The following ZNF185 variants were observed in gnomAD, a reference collection of about 807,000 sequenced individuals.
ZNF185 encodes the protein zinc finger protein 185.
A neutral mutation model predicts 58.6 loss-of-function variants in ZNF185; 56 were observed. The observed-to-expected ratio is 0.95, with a 90% confidence interval of 0.77 to 1.19. ZNF185 has a LOEUF of 1.19. ZNF185 is among the 50% of genes most tolerant of loss of function. The pLI is 0.00. For missense variants in ZNF185, 627 were observed against 573.5 expected, an observed-to-expected ratio of 1.09 and a Z score of -0.95; for synonymous variants, 230 against 215.9, an observed-to-expected ratio of 1.07 and a Z score of -0.57.
chrX:152,938,910 GAGGAGA>G (rs1173418638), intron 15 of ZNF185, among the ~76,000 whole-genome samples: 7 of 72,149 alleles, frequency 9.7e-5, no homozygotes, highest in Non-Finnish European at 1.8e-4. Context: ...CTCCTCTAAA[GAGGAGA>G]AGGAGCCAAC....
intron 16 of ZNF185, among the ~76,000 whole-genome samples, chrX:152,957,890 T>C: frequency 8.9e-6 from 1 of 112,468 alleles, no homozygotes; most frequent in East Asian, 2.8e-4. Context: ...TTACAATCAG[T>C]TTGCACAGAG....
intron 16 of ZNF185, among the ~76,000 whole-genome samples, chrX:152,957,273 C>T (rs2048946780): frequency 9.4e-6 from 1 of 106,881 alleles, no homozygotes; most frequent in Non-Finnish European, 1.9e-5. Context: ...GGGGTTTCAT[C>T]ATGTTGGCCA....
intron 16 of ZNF185, among the ~76,000 whole-genome samples, chrX:152,956,097 A>G (rs1427010187): frequency 3.6e-5 from 4 of 111,308 alleles, no homozygotes; most frequent in African/African-American, 6.6e-5. Context: ...TTCCAGTTGA[A>G]GAGAGACCAT....
chrX:152,922,715 G>T lies in ZNF185; in HGVS notation c.741-5G>T, dbSNP rs1556870300. The stretch of plus-strand genomic sequence containing the variant: ...AGAGCCTCTCACAGCCACCTTCTTT[G>T]CCAGTGCGGATGGAGGCAGGACCAA... On this transcript the variant is annotated splice_polypyrimidine_tract_variant and splice_region_variant and intron_variant, in intron 10 of 22. Coordinates refer to ENST00000449285, the Ensembl canonical transcript of ZNF185. 1.7e-6 allele frequency: 2 copies of T among 1,195,945 alleles called. No homozygotes were observed. The highest frequency in any genetic ancestry group is 3.7e-5 in the South Asian group (2 of 54,380).
chrX:152,920,131 C>A (rs1440642324), intron 7 of ZNF185, among the ~76,000 whole-genome samples, 197 bp from the exon 9 acceptor site: 1 of 113,224 alleles, frequency 8.8e-6, no homozygotes, highest in African/African-American at 3.2e-5. Flanking sequence ...GCCACATGCT[C>A]CATAAACATG....
intron 16 of ZNF185, among the ~76,000 whole-genome samples, chrX:152,955,945 C>T (rs1223654008): frequency 9.0e-6 from 1 of 110,942 alleles, no homozygotes; most frequent in Non-Finnish European, 1.9e-5. Flanking sequence ...CAGGTTCTCA[C>T]TTAGGTGAGA....
intron 16 of ZNF185, among the ~76,000 whole-genome samples, chrX:152,949,433 G>A (rs782241015): frequency 8.9e-6 from 1 of 112,286 alleles, no homozygotes; most frequent in African/African-American, 3.2e-5. Context: ...CCCTTTCCGG[G>A]CCCCCTGGGG....
intron 16 of ZNF185, among the ~76,000 whole-genome samples, chrX:152,952,634 G>A (rs1556900970): frequency 9.0e-6 from 1 of 110,595 alleles, no homozygotes; most frequent in Non-Finnish European, 1.9e-5. Context: ...AGTAGATAGG[G>A]GTATGTAGGA....
chrX:152,911,307 A>G (rs1800364087), upstream of ZNF185, among the ~76,000 whole-genome samples: 1 of 112,003 alleles, frequency 8.9e-6, no homozygotes, highest in South Asian at 3.7e-4. Flanking sequence ...TCCAAGGCAC[A>G]TGGTCTGCTT....
chrX:152,920,770 C>T lies in ZNF185; in HGVS notation c.656+22C>T, dbSNP rs782458665. ...AGAGGTAAGTGTCATCAAGGGACAC[C>T]TTGGAGGCCTGTTACTGGCCACAGG... On this transcript the variant is annotated intron_variant, in intron 9 of 22. Coordinates refer to ENST00000449285, the Ensembl canonical transcript of ZNF185. The T allele has an allele frequency of 3.3e-6, 4 of 1,209,874 alleles. No individual in the cohort carries two copies. In the East Asian group the frequency reaches 1.2e-4, roughly 36 times the overall value.
chrX:152,935,797 A>G (rs113142130), intron 14 of ZNF185, among the ~76,000 whole-genome samples: 5 of 112,010 alleles, frequency 4.5e-5, no homozygotes, highest in African/African-American at 1.6e-4. Context: ...CCTCTTAGTG[A>G]GTGTGCTGGT....
At chrX:152,938,193 C>G (rs2046581480) in intron 15 of ZNF185, 30 bp downstream of exon 17, 5 of 1,153,607 alleles carry the variant, frequency 4.3e-6, no homozygotes, top group Non-Finnish European at 3.5e-6. Context: ...TGCTGAACTT[C>G]TGGGGTGGAG....
chrX:152,915,251 C>G lies in ZNF185; in HGVS notation c.224+48C>G. The G allele has an allele frequency of 2.6e-6, 3 of 1,171,381 alleles. No homozygotes were observed. The African/African-American group carries it at 5.2e-5, about 20-fold the overall frequency. ...CTGGTGGGTCAGCCCCAGGGACTCT[C>G]CTGCAGCTTGGGGCCAGCCCTCAAC... is the stretch of plus-strand genomic sequence containing the variant. On this transcript the variant is annotated intron_variant, in intron 3 of 22. Transcript: ENST00000449285.
intron 16 of ZNF185, among the ~76,000 whole-genome samples, chrX:152,951,263 A>T (rs1042234272): frequency 3.6e-5 from 4 of 111,191 alleles, no homozygotes; most frequent in Admixed American, 9.6e-5. Flanking sequence ...GCCTAAGAAA[A>T]TTTTGTTATT....
chrX:152,963,177 G>T (rs2049722176), intron 17 of ZNF185, among the ~76,000 whole-genome samples: 1 of 113,045 alleles, frequency 8.8e-6, no homozygotes, highest in Non-Finnish European at 1.9e-5. Flanking sequence ...GAGGCTCATA[G>T]CCTGGGGGCA....
At chrX:152,931,511 G>A (rs1282458630) in intron 12 of ZNF185, among the ~76,000 whole-genome samples, 161 bp from the exon 14 acceptor site, 2 of 112,399 alleles carry the variant, frequency 1.8e-5, no homozygotes, top group African/African-American at 3.2e-5. Context: ...CTCTTGCCTC[G>A]GCCTCTCAAA....
chrX:152,922,763 G>A (rs782573643), exon 11 of ZNF185: 6 of 1,201,508 alleles, frequency 5.0e-6, no homozygotes, highest in Non-Finnish European at 2.2e-6. Flanking sequence ...AATTTGGATC[G>A]AGTGCCTGCC....
exon 23 of ZNF185, chrX:152,972,533 G>C (rs2050713097): frequency 9.0e-6 from 1 of 110,562 alleles, no homozygotes; most frequent in African/African-American, 3.3e-5. Context: ...AAACTGAGAT[G>C]CTTTCAGCTG....
rs922047519 is a variant in ZNF185 at position 152,971,955 on chromosome X, G to C, written c.*682G>C. 3.6e-5 allele frequency: 4 copies of C among 111,928 alleles called. No homozygotes were observed. In the Admixed American group the frequency reaches 3.8e-4, roughly 11 times the overall value. The allele number at this position is 111,928 out of a possible 1,213,427, so 9.2% of individuals were successfully genotyped here. On this transcript the variant is annotated 3_prime_UTR_variant, in exon 23 of 23. Transcript: ENST00000449285. ...TGATTTTAGGATGCTACTGATCAAA[G>C]TGATATCTGTGTCTGTTGGAATCTT...
Sources: allele counts gnomAD v4.1 joint callset (sites outside exome capture counted in the v4.1 genomes callset), GRCh38; gene constraint gnomAD v4.1.1; transcripts MANE v1.5; gene names NCBI Gene and HGNC (gene_info 2026-07-23, HGNC 2026-07-21).